Variants in CFAP20DC observed in about 807,000 individuals in gnomAD.
CFAP20DC encodes the protein protein CFAP20DC.
In CFAP20DC, 84 loss-of-function variants were observed where a neutral mutation model predicts 101.7. The ratio of observed to expected loss-of-function variants is 0.83; its 90% confidence interval spans 0.69 to 0.99. The LOEUF is 0.99. Among genes scored for constraint, CFAP20DC ranks in the 50% least tolerant of loss-of-function variants. The pLI, the probability that CFAP20DC is intolerant of heterozygous loss-of-function variation, is 0.00. For synonymous variants in CFAP20DC, 359 were observed against 351.2 expected (o/e 1.02, Z -0.25); for missense variants, 1,007 against 970.3 (o/e 1.04, Z -0.50).
chr3:58,888,219 T>C (rs985440854), intron 6 of CFAP20DC, among the ~76,000 whole-genome samples: 1 of 152,218 alleles, frequency 6.6e-6, no homozygotes, highest in African/African-American at 2.4e-5. Flanking sequence ...ACAGAAAGCA[T>C]GGTCCAGTTT....
At chr3:59,034,627 C>A (rs969735242) in intron 4 of CFAP20DC, among the ~76,000 whole-genome samples, 2 of 151,968 alleles carry the variant, frequency 1.3e-5, no homozygotes, top group Non-Finnish European at 2.9e-5. Flanking sequence ...AAGGGATAAA[C>A]GCAACAAGAA....
chr3:58,718,225 CTTCTT>C (rs1398101745), intron 3 of CFAP20DC, among the ~76,000 whole-genome samples: 1 of 152,182 alleles, frequency 6.6e-6, no homozygotes, highest in African/African-American at 2.4e-5. Context: ...GAAAATGCCA[CTTCTT>C]TTATTTCCTC....
At chr3:58,907,454 G>A (rs2083717972) in intron 6 of CFAP20DC, among the ~76,000 whole-genome samples, 1 of 152,164 alleles carries the variant, frequency 6.6e-6, no homozygotes, top group Non-Finnish European at 1.5e-5. Context: ...CCGGGGTCTG[G>A]TGAACAGAAG....
intron 15 of CFAP20DC, among the ~76,000 whole-genome samples, chr3:58,783,330 GA>G (rs1458786423): frequency 1.3e-5 from 2 of 151,626 alleles, no homozygotes. Context: ...AAAACTGGTA[GA>G]AAAAAACAGG....
At chr3:58,985,852 C>A (rs2092732850) in intron 4 of CFAP20DC, among the ~76,000 whole-genome samples, 1 of 152,160 alleles carries the variant, frequency 6.6e-6, no homozygotes. Context: ...TATGAACTCA[C>A]TAAGGAAGGG....
intron 4 of CFAP20DC, among the ~76,000 whole-genome samples, chr3:58,974,193 CTT>C (rs2092131746): frequency 6.6e-6 from 1 of 152,054 alleles, no homozygotes; most frequent in Non-Finnish European, 1.5e-5. Flanking sequence ...TACAAATGAT[CTT>C]GTCACCTAGG....
intron 4 of CFAP20DC, among the ~76,000 whole-genome samples, chr3:59,037,620 G>A (rs1288263918): frequency 6.6e-6 from 1 of 152,112 alleles, no homozygotes; most frequent in Admixed American, 6.5e-5. Flanking sequence ...TCATTAAAAC[G>A]TCAGGAAACA....
At chr3:58,733,999 G>A (rs1164886972) in intron 3 of CFAP20DC, among the ~76,000 whole-genome samples, 1 of 152,188 alleles carries the variant, frequency 6.6e-6, no homozygotes, top group South Asian at 2.1e-4. Flanking sequence ...CTGTAAGCCC[G>A]TGTTGGGGGA....
intron 4 of CFAP20DC, among the ~76,000 whole-genome samples, chr3:59,031,332 G>C (rs2093991062): frequency 6.6e-6 from 1 of 152,156 alleles, no homozygotes. Context: ...TTCTGATAGG[G>C]AGATAAGAAG....
At chr3:58,806,885 G>A (rs963843444) in intron 14 of CFAP20DC, among the ~76,000 whole-genome samples, 16 of 152,152 alleles carry the variant, frequency 1.1e-4, no homozygotes, top group African/African-American at 2.4e-4. Context: ...CTTTTCCAAC[G>A]GGCTTAAAAA....
intron 12 of CFAP20DC, among the ~76,000 whole-genome samples, chr3:58,851,291 T>C (rs1358694885): frequency 1.3e-5 from 2 of 152,162 alleles, no homozygotes; most frequent in Non-Finnish European, 2.9e-5. Context: ...ACAGTAGAAC[T>C]GGAGGCCAAT....
At chr3:58,966,976 T>G (rs556499065) in intron 4 of CFAP20DC, among the ~76,000 whole-genome samples, 5 of 152,196 alleles carry the variant, frequency 3.3e-5, no homozygotes, top group Non-Finnish European at 7.3e-5. Context: ...AATCTATCCC[T>G]ATCAGAATCC....
chr3:58,968,335 A>G (rs1440593957), intron 4 of CFAP20DC, among the ~76,000 whole-genome samples: 2 of 152,310 alleles, frequency 1.3e-5, no homozygotes, highest in East Asian at 3.9e-4. Flanking sequence ...TCAACAGTGT[A>G]TAAGTGTTCC....
intron 16 of CFAP20DC, among the ~76,000 whole-genome samples, chr3:58,748,416 C>A (rs2068349207): frequency 6.6e-6 from 1 of 152,104 alleles, no homozygotes; most frequent in African/African-American, 2.4e-5. Flanking sequence ...CAGACACCTG[C>A]AATGTGTTTC....
At chr3:58,867,967 G>A in intron 9 of CFAP20DC, 31 bp from the exon 10 acceptor site, 19 of 1,581,592 alleles carry the variant, frequency 1.2e-5, no homozygotes, top group Non-Finnish European at 1.5e-5. Context: ...ACAAAAGCCA[G>A]AACAGAAAGT....
intron 1 of CFAP20DC, among the ~76,000 whole-genome samples, chr3:59,048,162 T>C (rs1700016244): frequency 6.6e-6 from 1 of 152,238 alleles, no homozygotes; most frequent in African/African-American, 2.4e-5. Context: ...TAATTATCTC[T>C]AAGGAAGAAT....
chr3:58,928,983 T>C (rs561286291), intron 5 of CFAP20DC, among the ~76,000 whole-genome samples: 2 of 152,168 alleles, frequency 1.3e-5, no homozygotes, highest in Non-Finnish European at 2.9e-5. Context: ...GACAGATGAA[T>C]TGAAAAGGAT....
At chr3:59,004,571 G>A (rs1576672016) in intron 4 of CFAP20DC, among the ~76,000 whole-genome samples, 1 of 152,104 alleles carries the variant, frequency 6.6e-6, no homozygotes, top group South Asian at 2.1e-4. Context: ...TGGTCAACAA[G>A]TTATTATCTT....
rs2093471114 is a variant in CFAP20DC, at chr3:59,007,739, T to A, written c.278+31818A>T. The stretch of plus-strand genomic sequence containing the variant: ...GCAGTCTGGAGCCTGGTAGCCCTGC[T>A]GGGTGGCTAGACCCAGAAGGGCAGT... On this transcript the variant is annotated intron_variant, in intron 4 of 16. Transcript: ENST00000482387. This position sits in a 1 kb window ranked among gnomAD's most constrained non-coding sequence, Gnocchi z 4.4. Among the ~76,000 whole-genome samples, 1 of 152,154 alleles carries A rather than the reference T, an allele frequency of 6.6e-6. No individual in the cohort carries two copies. The highest frequency in any genetic ancestry group is 1.5e-5 in the Non-Finnish European group (1 of 68,022).
Sources: gnomAD v4.1 joint callset for allele counts (sites outside exome capture counted in the v4.1 genomes callset) on GRCh38, gnomAD v4.1.1 for gene constraint, Gnocchi (gnomAD v3.1) non-coding constraint, MANE v1.5 for transcripts, NCBI Gene and HGNC (gene_info 2026-07-23, HGNC 2026-07-21) for gene names.